The following ADAMTS13 variants were observed in gnomAD, a reference collection of about 807,000 sequenced individuals.
ADAMTS13 encodes ADAM metallopeptidase with thrombospondin type 1 motif 13, also known as A disintegrin and metalloproteinase with thrombospondin motifs 13.
A neutral mutation model predicts 155.1 loss-of-function variants in ADAMTS13; 110 were observed. The ratio of observed to expected loss-of-function variants is 0.71; its 90% CI spans 0.61 to 0.83. The LOEUF is 0.83. ADAMTS13 is among the 40% of genes least tolerant of loss of function. The pLI is 0.00. For synonymous variants in ADAMTS13, 758 were observed against 756.4 expected (o/e 1.00, Z -0.03); for missense variants, 1,707 against 1,891.7 (o/e 0.90, Z 1.81).
At chr9:133,431,690 T>C (rs1554787532) in intron 8 of ADAMTS13, among the ~76,000 whole-genome samples, 1 of 152,128 alleles carries the variant, frequency 6.6e-6, no homozygotes, top group East Asian at 1.9e-4. Flanking sequence ...AGTCTCGCTC[T>C]GTCACCCAGG....
At chr9:133,416,687 A>C (rs766789912) in intron 1 of ADAMTS13, among the ~76,000 whole-genome samples, 72 of 152,254 alleles carry the variant, frequency 4.7e-4, no homozygotes, top group Non-Finnish European at 9.3e-4. Context: ...GACAGCAGGT[A>C]CAACACAGCC....
chr9:133,424,340 C>T lies in ADAMTS13; in HGVS notation c.192C>T (p.Gly64=). The change falls in exon 3 of 29, where the codon GGC becomes GGT. Residue 64 remains glycine, a synonymous_variant. Transcript: ENST00000355699. The surrounding 1 kb of genome is among the most constrained non-coding windows in gnomAD (Gnocchi z 4.3). The part of the protein sequence containing the change: ...APLKGRPPSP[G]FQRQRQRQRR... Reference sequence around the variant, plus strand: ...CTCCAGGCCGCCCTCCTTCCCCTGGCTTCCAGAGGCAGAGGCAGAGGCAGA... The same window carrying T: ...CTCCAGGCCGCCCTCCTTCCCCTGGTTTCCAGAGGCAGAGGCAGAGGCAGA... 1 of 1,613,122 alleles carries T rather than the reference C, an allele frequency of 6.2e-7. No homozygotes were observed.
At position 133,428,626 on chromosome 9, in the gene ADAMTS13, C is replaced by T; in HGVS notation, c.687-8C>T. On this transcript the variant is annotated splice_polypyrimidine_tract_variant and splice_region_variant and intron_variant, in intron 6 of 28. Coordinates refer to ENST00000355699, the MANE Select transcript of ADAMTS13 (RefSeq NM_139027.6). ...CCGCCTTAGCGCAACTCCCCGCCCC[C>T]CGACCAGCTTCGGCCTGGAGCACGA... The T allele has an allele frequency of 1.5e-6, 2 of 1,315,166 alleles. No homozygotes were observed. Among genetic ancestry groups the T allele is most frequent in the Non-Finnish European group, 1.9e-6 (2 of 1,029,422 alleles). The allele number at this position is 1,315,166 out of a possible 1,614,324, so 81.5% of individuals were successfully genotyped here. A position where few individuals can be genotyped will look rare whatever the true frequency, so the allele number is the denominator to read the frequency against.
chr9:133,448,865 G>A (rs919479053), intron 22 of ADAMTS13, 137 bp downstream of exon 22: 25 of 1,372,174 alleles, frequency 1.8e-5, no homozygotes, highest in Non-Finnish European at 2.4e-5. Flanking sequence ...GACCATGGCC[G>A]CCCCATCCCC....
At chr9:133,458,751 G>A (rs1842909814) in intron 28 of ADAMTS13, among the ~76,000 whole-genome samples, 1 of 152,126 alleles carries the variant, frequency 6.6e-6, no homozygotes, top group Admixed American at 6.5e-5. Context: ...TTCCCCAGAG[G>A]AGGCAGCCTG....
intron 7 of ADAMTS13, among the ~76,000 whole-genome samples, chr9:133,429,274 C>T (rs1167965721): frequency 1.5e-5 from 2 of 132,476 alleles, no homozygotes; most frequent in African/African-American, 5.8e-5. Context: ...CGCTCCGTTC[C>T]ACCCCCTCCC....
rs187774771 is a variant in ADAMTS13 at position 133,455,920 on chromosome 9, C to T, written c.3401-149C>T. The stretch of plus-strand genomic sequence containing the variant: ...TGATGCTCTGACCTATGCAGCCCCC[C>T]TCCCTGTCCTGAGAAGGCTTCCAGC... On this transcript the variant is annotated intron_variant, in intron 25 of 28. Transcript: ENST00000355699. 117 of 1,046,140 alleles carry T rather than the reference C, an allele frequency of 1.1e-4. 2 individuals carry two copies. The African/African-American group carries it at 1.4e-3, about 13-fold the overall frequency. 64.8% of individuals were successfully genotyped at this position (1,046,140 alleles called of 1,614,324 possible). A position where few individuals can be genotyped will look rare whatever the true frequency, so the allele number is the denominator to read the frequency against.
chr9:133,414,765 C>T (rs782792992), intron 1 of ADAMTS13: 5 of 1,614,058 alleles, frequency 3.1e-6, no homozygotes, highest in East Asian at 4.5e-5. Flanking sequence ...TCCTTGGTTC[C>T]TTTCTTATTG....
At chr9:133,416,991 G>A (rs1272733294) in intron 1 of ADAMTS13, among the ~76,000 whole-genome samples, 3 of 152,168 alleles carry the variant, frequency 2.0e-5, no homozygotes, top group African/African-American at 7.2e-5. Flanking sequence ...TCCCTGTCTT[G>A]CTACACAGAC....
chr9:133,433,334 G>A, intron 9 of ADAMTS13, 44 bp from the exon 10 acceptor site: 2 of 1,610,178 alleles, frequency 1.2e-6, no homozygotes, highest in South Asian at 1.1e-5. Flanking sequence ...GTCCTGTGGT[G>A]GGGTCACTGT....
intron 11 of ADAMTS13, 44 bp from the exon 12 acceptor site, chr9:133,436,785 C>A: frequency 2.0e-6 from 1 of 504,272 alleles, no homozygotes. Flanking sequence ...AACACCCGCC[C>A]CCCGCCCCAC....
intron 7 of ADAMTS13, 161 bp from the exon 8 acceptor site, chr9:133,429,778 A>C: frequency 1.0e-6 from 1 of 992,782 alleles, no homozygotes; most frequent in Non-Finnish European, 1.5e-6. Context: ...GTCCCAGCCA[A>C]GAGCCGGCTC....
In ADAMTS13 at chr9:133,436,140, C is replaced by T. The variant is rs906144226; in HGVS notation, c.1309-689C>T. Among the ~76,000 whole-genome samples the T allele has an allele frequency of 4.0e-5, 6 of 151,518 alleles. 1 individual carries two copies. The South Asian group carries it at 6.3e-4, about 16-fold the overall frequency. The stretch of plus-strand genomic sequence containing the variant: ...CCTGTTTTCTGTTTTTTGATTTTGG[C>T]CATCTCGGTGGTATGAAATGGTAGA... On this transcript the variant is annotated intron_variant, in intron 11 of 28. Coordinates refer to ENST00000355699, the MANE Select transcript of ADAMTS13 (RefSeq NM_139027.6).
At position 133,436,860 on chromosome 9, in the gene ADAMTS13, C is replaced by T. The variant is rs782630536; in HGVS notation, c.1340C>T (p.Ser447Leu). 14 of 1,574,132 alleles carry T rather than the reference C, an allele frequency of 8.9e-6. No individual in the cohort carries two copies. The highest frequency in any genetic ancestry group is 3.6e-5 in the Admixed American group (2 of 55,798). Residue 447 changes from serine (S) to leucine (L), a missense_variant, in exon 12 of 29, where the codon TCG becomes TTG. Transcript: ENST00000355699. The stretch of plus-strand genomic sequence containing the variant: ...GAGAAGACCCAGCTGGAGTTCATGT[C>T]GCAACAGTGCGCCAGGACCGACGGC... Reference protein sequence around the residue: ...ACEKTQLEFMSQQCARTDGQP... With the variant: ...ACEKTQLEFMLQQCARTDGQP...
intron 23 of ADAMTS13, 135 bp from the exon 24 acceptor site, chr9:133,454,280 G>A: frequency 1.9e-6 from 2 of 1,073,688 alleles, no homozygotes; most frequent in African/African-American, 1.6e-5. Flanking sequence ...CTCAGTGGCT[G>A]CACTTTCCAT....
At chr9:133,420,387 T>C (rs1839908026), upstream of ADAMTS13, among the ~76,000 whole-genome samples, 4 of 152,214 alleles carry the variant, frequency 2.6e-5, no homozygotes, top group South Asian at 8.3e-4. Flanking sequence ...AAAAAAACTT[T>C]GTTCCAGCAG....
chr9:133,423,072 G>T, intron 1 of ADAMTS13, 29 bp from the exon 2 acceptor site: 1 of 1,608,862 alleles, frequency 6.2e-7, no homozygotes. Flanking sequence ...CACTATGCCC[G>T]GCCCCATCCA....
chr9:133,457,979 A>G lies in ADAMTS13; in HGVS notation c.3794A>G (p.Asn1265Ser), dbSNP rs200645384. 48 of 1,613,710 alleles carry G rather than the reference A, an allele frequency of 3.0e-5. 1 individual carries two copies. The East Asian group carries it at 1.0e-3, about 34-fold the overall frequency. Residue 1265 changes from asparagine (N) to serine (S), a missense_variant, in exon 28 of 29, where the codon AAT becomes AGT. Transcript: ENST00000355699. ...VSPSLSPATSNAGGCRLFINV... is the reference protein window; with the variant it reads ...VSPSLSPATSSAGGCRLFINV... ...CCCTCGCTGAGTCCAGCCACGAGTA[A>G]TGCAGGGGGCTGCCGGCTCTTCATT...
At chr9:133,414,726 G>C (rs782234380) in intron 1 of ADAMTS13, 1 of 1,614,088 alleles carries the variant, frequency 6.2e-7, no homozygotes, top group Admixed American at 1.7e-5. Flanking sequence ...ATGTCCCCTC[G>C]TTCTGGAACA....
Sources: allele counts gnomAD v4.1 joint callset (sites outside exome capture counted in the v4.1 genomes callset), GRCh38; gene constraint gnomAD v4.1.1; non-coding constraint Gnocchi (gnomAD v3.1); transcripts MANE v1.5; gene names NCBI Gene and HGNC (gene_info 2026-07-23, HGNC 2026-07-21).